ERC1: variants seen among roughly 807,000 people sequenced by gnomAD.
ERC1 encodes the protein ELKS/RAB6-interacting/CAST family member 1, also known as RAB6 interacting protein 2.
In ERC1, 56 loss-of-function variants were observed where a neutral mutation model predicts 132.0. That is an observed-to-expected ratio of 0.42 (90% CI 0.34 to 0.53). The LOEUF is 0.53. ERC1 is among the 20% of genes least tolerant of loss of function. The pLI, the probability that ERC1 is intolerant of heterozygous loss-of-function variation, is 0.03. For missense variants in ERC1, 1,202 were observed against 1,349.9 expected (o/e 0.89, Z 1.72); for synonymous variants, 478 against 476.1 (o/e 1.00, Z -0.05).
intron 8 of ERC1, among the ~76,000 whole-genome samples, chr12:1,149,657 C>T (rs1222546954): frequency 2.6e-5 from 4 of 152,048 alleles, no homozygotes; most frequent in Admixed American, 1.3e-4. Context: ...CCTCGGCCTC[C>T]CAAAGTGCTA....
chr12:1,156,217 A>G (rs1329006779), intron 8 of ERC1, among the ~76,000 whole-genome samples: 1 of 152,030 alleles, frequency 6.6e-6, no homozygotes, highest in African/African-American at 2.4e-5. Context: ...AGATGAAGAT[A>G]GGGGTTTTTC....
At position 1,244,245 on chromosome 12, in the gene ERC1, T is replaced by C. The variant is rs1174628311; in HGVS notation, c.2487+7341T>C. On this transcript the variant is annotated intron_variant, in intron 13 of 18. Coordinates refer to ENST00000360905, the MANE Select transcript of ERC1 (RefSeq NM_178040.4). ...ACAATCGTAATCGAATGACTGGTTATATTTTTGGTGTGTCATAGAATAGTA... is the reference window on the plus strand; with the variant it reads ...ACAATCGTAATCGAATGACTGGTTACATTTTTGGTGTGTCATAGAATAGTA... Among the ~76,000 whole-genome samples, 4 of 152,334 alleles carry C rather than the reference T, an allele frequency of 2.6e-5. No homozygotes were observed. The East Asian group carries it at 7.7e-4, about 29-fold the overall frequency.
chr12:1,342,933 A>C (rs1166581925), intron 15 of ERC1, among the ~76,000 whole-genome samples: 1 of 152,222 alleles, frequency 6.6e-6, no homozygotes, highest in Non-Finnish European at 1.5e-5. Context: ...GAATGCAGAC[A>C]GTAACACTCT....
chr12:1,359,213 TAATC>T (rs900703290), intron 15 of ERC1, among the ~76,000 whole-genome samples: 6 of 152,154 alleles, frequency 3.9e-5, no homozygotes, highest in African/African-American at 1.4e-4. Flanking sequence ...AGGGGTTGGA[TAATC>T]AATCATTTTA....
chr12:1,141,215 C>T (rs1304838493), intron 7 of ERC1, among the ~76,000 whole-genome samples: 2 of 152,084 alleles, frequency 1.3e-5, no homozygotes, highest in Admixed American at 1.3e-4. Flanking sequence ...AGCCTCATAG[C>T]CTATGACTAG....
At chr12:1,080,481 C>A (rs1252422850) in intron 2 of ERC1, among the ~76,000 whole-genome samples, 1 of 152,162 alleles carries the variant, frequency 6.6e-6, no homozygotes, top group Non-Finnish European at 1.5e-5. Flanking sequence ...GGCTGAAAAT[C>A]ATTAGCAGGT....
At chr12:1,040,243 GA>G (rs1969946036) in intron 2 of ERC1, among the ~76,000 whole-genome samples, 1 of 151,926 alleles carries the variant, frequency 6.6e-6, no homozygotes, top group Non-Finnish European at 1.5e-5. Flanking sequence ...GACAAGATTA[GA>G]AATGCTTTTA....
intron 15 of ERC1, among the ~76,000 whole-genome samples, chr12:1,364,711 G>A (rs971111085): frequency 2.0e-5 from 3 of 152,138 alleles, no homozygotes; most frequent in Admixed American, 6.5e-5. Context: ...AGCATTTACT[G>A]CCCATACAGT....
Position 1,444,547 on chromosome 12 carries a change from AT to A in ERC1, c.3025-8del, listed in dbSNP as rs749220776. On this transcript the variant is annotated splice_polypyrimidine_tract_variant and intron_variant, in intron 17 of 18. Transcript: ENST00000360905. ...TCCTCATTTTATTTTATTTTATTTT[AT>A]TTTTTTGCCTTAGATCATCCAGCCC... The A allele has an allele frequency of 9.1e-6, 14 of 1,543,252 alleles. No individual in the cohort carries two copies. The East Asian group carries it at 1.4e-4, about 15-fold the overall frequency.
At chr12:1,248,522 A>G (rs1024357011) in intron 13 of ERC1, among the ~76,000 whole-genome samples, 2 of 152,244 alleles carry the variant, frequency 1.3e-5, no homozygotes, top group South Asian at 2.1e-4. Context: ...GAGGTTACCC[A>G]TATGGCAGTG....
chr12:1,004,456 G>C (rs1285051819), intron 1 of ERC1, among the ~76,000 whole-genome samples: 4 of 135,252 alleles, frequency 3.0e-5, no homozygotes, highest in Non-Finnish European at 6.1e-5. Flanking sequence ...GCCCAGGCTG[G>C]AGTGCAGTGA....
intron 13 of ERC1, chr12:1,244,846 GT>G (rs1411352174): frequency 1.3e-5 from 2 of 157,406 alleles, no homozygotes; most frequent in Non-Finnish European, 2.8e-5. Flanking sequence ...AATAGTTTAT[GT>G]TTAATCTTTA....
intron 1 of ERC1, among the ~76,000 whole-genome samples, chr12:996,249 C>CTTTTTTTTTTT (rs35403554): frequency 2.3e-4 from 10 of 43,768 alleles, no homozygotes; most frequent in Admixed American, 6.3e-4. Context: ...CCATGCCTGG[C>CTTTTTTTTTTT]TTTTTTTTTT....
rs189979584 is a variant in ERC1, at chr12:1,323,150, T to C, written c.2780+33138T>C. ...AATTAATTATGTGACTATTCAACAT[T>C]TGACAAATAATTTTGGACGTAAGTG... On this transcript the variant is annotated intron_variant, in intron 15 of 18. Transcript: ENST00000360905. 7.6e-3 allele frequency among the ~76,000 whole-genome samples: 1,145 copies of C among 150,272 alleles called. 12 individuals carry two copies. Among genetic ancestry groups the C allele is most frequent in the South Asian group, 0.042 (201 of 4,764 alleles).
chr12:1,348,707 G>A (rs2084717919), intron 15 of ERC1, among the ~76,000 whole-genome samples: 1 of 150,262 alleles, frequency 6.7e-6, no homozygotes, highest in Non-Finnish European at 1.5e-5. Flanking sequence ...AAAAAAAAAA[G>A]TATAATGTCT....
intron 2 of ERC1, among the ~76,000 whole-genome samples, chr12:1,081,422 G>T (rs201919803): frequency 2.0e-5 from 3 of 152,084 alleles, no homozygotes; most frequent in African/African-American, 7.2e-5. Context: ...TTATCTTTGG[G>T]TATTACCAGT....
chr12:1,249,838 G>A (rs1220346214), intron 13 of ERC1, among the ~76,000 whole-genome samples: 1 of 152,180 alleles, frequency 6.6e-6, no homozygotes, highest in Non-Finnish European at 1.5e-5. Flanking sequence ...TGGTTCATAG[G>A]TAGCACCTTC....
chr12:1,339,700 T>C (rs2154361502), intron 15 of ERC1, among the ~76,000 whole-genome samples: 1 of 152,284 alleles, frequency 6.6e-6, no homozygotes, highest in East Asian at 1.9e-4. Context: ...ACTGTGCATG[T>C]GATATCACTG....
chr12:1,341,317 G>C (rs11061707), intron 15 of ERC1, among the ~76,000 whole-genome samples: 16 of 151,088 alleles, frequency 1.1e-4, no homozygotes, highest in Admixed American at 2.6e-4. Flanking sequence ...AGATGGTCTC[G>C]ATCTCCTGAG....
Sources: allele counts gnomAD v4.1 joint callset (sites outside exome capture counted in the v4.1 genomes callset), GRCh38; gene constraint gnomAD v4.1.1; transcripts MANE v1.5; gene names NCBI Gene and HGNC (gene_info 2026-07-23, HGNC 2026-07-21).